The following TRDN variants were observed in gnomAD, a reference collection of about 807,000 sequenced individuals.
TRDN encodes the protein triadin in skeletal muscle.
Under a neutral mutation model 149.7 loss-of-function variants are expected in TRDN, and 161 were observed. The observed-to-expected ratio is 1.08, with a 90% CI of 0.95 to 1.23. The LOEUF (loss-of-function observed/expected upper bound fraction) is 1.23. Among genes scored for constraint, TRDN ranks in the 50% most tolerant of loss-of-function variants. The pLI, the probability that TRDN is intolerant of heterozygous loss-of-function variation, is 0.00. For synonymous variants in TRDN, 294 were observed against 250.5 expected, an observed-to-expected ratio of 1.17 and a Z score of -1.64; for missense variants, 896 against 823.5, an observed-to-expected ratio of 1.09 and a Z score of -1.08.
chr6:123,574,851 TATATACATATATATATA>T (rs1782754095), intron 1 of TRDN, among the ~76,000 whole-genome samples: 1 of 35,970 alleles, frequency 2.8e-5, no homozygotes, highest in African/African-American at 8.3e-5. Flanking sequence ...CATGAATTTA[TATATACATATATATATA>T]TATATATATA....
intron 21 of TRDN, among the ~76,000 whole-genome samples, chr6:123,348,444 A>G (rs887285772): frequency 6.6e-6 from 1 of 152,090 alleles, no homozygotes; most frequent in Non-Finnish European, 1.5e-5. Flanking sequence ...AAATTTCATT[A>G]ATTTGGTCCA....
intron 12 of TRDN, among the ~76,000 whole-genome samples, chr6:123,415,402 T>A (rs1461114305): frequency 4.6e-5 from 7 of 152,196 alleles, no homozygotes; most frequent in African/African-American, 1.7e-4. Flanking sequence ...CGCTGTAACG[T>A]TAGAACCATT....
At chr6:123,461,248 T>A (rs1583072225) in intron 10 of TRDN, among the ~76,000 whole-genome samples, 1 of 152,268 alleles carries the variant, frequency 6.6e-6, no homozygotes, top group East Asian at 1.9e-4. Context: ...GTATCAAAGC[T>A]GAGATTGGGC....
intron 1 of TRDN, among the ~76,000 whole-genome samples, chr6:123,574,634 C>T (rs536633352): frequency 6.6e-6 from 1 of 151,850 alleles, no homozygotes; most frequent in South Asian, 2.1e-4. Context: ...TGGAAGCCTT[C>T]CTACTACCAC....
intron 24 of TRDN, among the ~76,000 whole-genome samples, chr6:123,279,483 C>T (rs1777503596): frequency 3.3e-5 from 5 of 152,050 alleles, no homozygotes; most frequent in African/African-American, 4.8e-5. Context: ...TTAATTTTCT[C>T]TCTTTTTTGC....
intron 23 of TRDN, among the ~76,000 whole-genome samples, chr6:123,331,176 T>C (rs1779647287): frequency 6.6e-6 from 1 of 152,080 alleles, no homozygotes; most frequent in Non-Finnish European, 1.5e-5. Flanking sequence ...TAGTTAGAAA[T>C]TTTATGTTTT....
chr6:123,416,842 C>G (rs1773672988), intron 12 of TRDN, among the ~76,000 whole-genome samples: 1 of 152,112 alleles, frequency 6.6e-6, no homozygotes, highest in South Asian at 2.1e-4. Flanking sequence ...GCTAGGATTA[C>G]AGGCATCTGC....
chr6:123,620,466 A>C (rs1362449240), intron 1 of TRDN, among the ~76,000 whole-genome samples: 2 of 152,188 alleles, frequency 1.3e-5, no homozygotes, highest in Non-Finnish European at 2.9e-5. Flanking sequence ...ACATGCATTC[A>C]TACATTTTGA....
chr6:123,232,193 C>T (rs1042265392), intron 38 of TRDN, among the ~76,000 whole-genome samples: 2 of 141,828 alleles, frequency 1.4e-5, no homozygotes, highest in African/African-American at 2.7e-5. Flanking sequence ...AAGCCCAGTA[C>T]TGAGCAAATA....
chr6:123,557,325 C>T (rs1358320576), intron 2 of TRDN, among the ~76,000 whole-genome samples: 1 of 152,128 alleles, frequency 6.6e-6, no homozygotes, highest in Non-Finnish European at 1.5e-5. Context: ...TGTCCTCCTA[C>T]TCTTTGCTCT....
At chr6:123,310,947 C>T (rs1366035062) in intron 24 of TRDN, among the ~76,000 whole-genome samples, 2 of 151,924 alleles carry the variant, frequency 1.3e-5, no homozygotes, top group Admixed American at 1.3e-4. Flanking sequence ...CCAGGACTGA[C>T]TTTATCTAGA....
At chr6:123,629,174 C>T (rs1785833633) in intron 1 of TRDN, among the ~76,000 whole-genome samples, 1 of 152,038 alleles carries the variant, frequency 6.6e-6, no homozygotes, top group African/African-American at 2.4e-5. Flanking sequence ...AAATGTCTTC[C>T]TCAAACAGAA....
chr6:123,284,899 T>C (rs6569334), intron 24 of TRDN, among the ~76,000 whole-genome samples: 131,982 of 152,062 alleles, frequency 0.87, 57,599 homozygotes, highest in East Asian at 0.99. Flanking sequence ...ATCAAGAACT[T>C]GACCTCTTTT....
At position 123,221,531 on chromosome 6, in the gene TRDN, T is replaced by TA. The variant is rs759021122; in HGVS notation, c.2015-10dup. The TA allele has an allele frequency of 1.9e-6, 3 of 1,546,258 alleles. No homozygotes were observed. Among genetic ancestry groups the TA allele is most frequent in the South Asian group, 2.3e-5 (2 of 86,768 alleles). ...CACATCTTCAGTTCCTTCTAGTGGA[T>TA]AAAAAATATAAAAGTAAATAACTTG... On this transcript the variant is annotated splice_polypyrimidine_tract_variant and intron_variant, in intron 39 of 40. Coordinates refer to ENST00000334268, the MANE Select transcript of TRDN (RefSeq NM_006073.4).
At chr6:123,344,499 C>A (rs1392615917) in intron 21 of TRDN, among the ~76,000 whole-genome samples, 1 of 151,950 alleles carries the variant, frequency 6.6e-6, no homozygotes, top group African/African-American at 2.4e-5. Flanking sequence ...TTGCCTTTTC[C>A]AGAATGTCAT....
At position 123,618,899 on chromosome 6, in the gene TRDN, T is replaced by C. The variant is rs182307070; in HGVS notation, c.22+17855A>G. On this transcript the variant is annotated intron_variant, in intron 1 of 40. Coordinates refer to ENST00000334268, the MANE Select transcript of TRDN (RefSeq NM_006073.4). ...CCTTGTTCTTTTTTATGAATTTCTCTCCAGTAACTCAAACATTTTATTATA... is the reference window on the plus strand; with the variant it reads ...CCTTGTTCTTTTTTATGAATTTCTCCCCAGTAACTCAAACATTTTATTATA... Among the ~76,000 whole-genome samples, 463 of 152,224 alleles carry C rather than the reference T, an allele frequency of 3.0e-3. 1 individual carries two copies. Among genetic ancestry groups the C allele is most frequent in the Non-Finnish European group, 4.7e-3 (322 of 68,020 alleles).
chr6:123,629,822 G>T (rs1160767955), intron 1 of TRDN, among the ~76,000 whole-genome samples: 1 of 152,014 alleles, frequency 6.6e-6, no homozygotes, highest in Non-Finnish European at 1.5e-5. Flanking sequence ...CTTGTATAGA[G>T]CAGAGCAAGA....
intron 39 of TRDN, 126 bp from the exon 40 acceptor site, chr6:123,221,648 G>T (rs372635217): frequency 4.1e-6 from 2 of 488,006 alleles, no homozygotes; most frequent in South Asian, 3.9e-5. Context: ...CCTTTTTATA[G>T]TATACTCCAG....
chr6:123,583,397 T>C (rs923477508), intron 1 of TRDN, among the ~76,000 whole-genome samples: 1 of 152,092 alleles, frequency 6.6e-6, no homozygotes, highest in Admixed American at 6.6e-5. Context: ...GGGCTGTACC[T>C]TGTAGTATTC....
Sources: gnomAD v4.1 joint callset for allele counts (sites outside exome capture counted in the v4.1 genomes callset) on GRCh38, gnomAD v4.1.1 for gene constraint, MANE v1.5 for transcripts, NCBI Gene and HGNC (gene_info 2026-07-23, HGNC 2026-07-21) for gene names.